NEDD4L: variants seen among roughly 807,000 people sequenced by gnomAD.
NEDD4L encodes NEDD4 like E3 ubiquitin protein ligase.
NEDD4L carries 54 observed loss-of-function variants against 148.9 expected under a neutral mutation model. The observed-to-expected ratio is 0.36, with a 90% CI of 0.29 to 0.45. The LOEUF (loss-of-function observed/expected upper bound fraction) is 0.45. Ranked by LOEUF, NEDD4L falls within the 20% of genes least tolerant of loss-of-function variation. NEDD4L has a pLI of 1.00. For missense variants in NEDD4L, 856 were observed against 1,233.8 expected (o/e 0.69, Z 4.59); for synonymous variants, 433 against 440.7 (o/e 0.98, Z 0.22).
chr18:58,123,403 A>G (rs924360524), intron 1 of NEDD4L, among the ~76,000 whole-genome samples: 1 of 152,092 alleles, frequency 6.6e-6, no homozygotes, highest in Non-Finnish European at 1.5e-5. Context: ...GGCTTTGCCA[A>G]TCTGTGGACC....
intron 24 of NEDD4L, among the ~76,000 whole-genome samples, chr18:58,382,586 A>C (rs1001701849): frequency 3.9e-5 from 6 of 152,112 alleles, no homozygotes; most frequent in African/African-American, 1.4e-4. Context: ...TTACTGTGCT[A>C]TGTGGCCTTA....
intron 1 of NEDD4L, among the ~76,000 whole-genome samples, chr18:58,126,539 A>G (rs909369839): frequency 6.6e-6 from 1 of 152,142 alleles, no homozygotes; most frequent in African/African-American, 2.4e-5. Flanking sequence ...CCATTCATCA[A>G]TTCATGAGCA....
At chr18:58,163,356 C>G (rs1167829376) in intron 1 of NEDD4L, among the ~76,000 whole-genome samples, 2 of 152,224 alleles carry the variant, frequency 1.3e-5, no homozygotes, top group Non-Finnish European at 2.9e-5. Flanking sequence ...GAGCCTTGGC[C>G]TACATAACAT....
chr18:58,333,854 G>T lies in NEDD4L; in HGVS notation c.1027G>T (p.Val343Phe). 3 of 1,613,800 alleles carry T rather than the reference G, an allele frequency of 1.9e-6. No individual in the cohort carries two copies. Among genetic ancestry groups the T allele is most frequent in the Non-Finnish European group, 1.7e-6 (2 of 1,179,806 alleles). The change falls in exon 12 of 31, where the codon GTC (valine) becomes TTC (phenylalanine). Residue 343 changes from valine (V) to phenylalanine (F), a missense_variant. Transcript: ENST00000400345. ...CTCCTCAAGGTTGAGGTCATGCAGT[G>T]TCACCGACGCAGTTGCAGAACAGGG... is the stretch of plus-strand genomic sequence containing the variant. ...EPSSRLRSCS[V>F]TDAVAEQGHL...
Position 58,354,526 on chromosome 18 carries a change from A to G in NEDD4L, c.1709-2668A>G, listed in dbSNP as rs377169503. Among the ~76,000 whole-genome samples the G allele has an allele frequency of 3.9e-5, 6 of 152,072 alleles. No homozygotes were observed. The South Asian group carries it at 1.0e-3, about 26-fold the overall frequency. On this transcript the variant is annotated intron_variant, in intron 18 of 30. Transcript: ENST00000400345. ...CACTGAAGAATTCTTTATCATAACC[A>G]TGTAGAAACTTGTGTTGTTCCAAAA...
intron 1 of NEDD4L, among the ~76,000 whole-genome samples, chr18:58,080,288 C>T (rs2145084212): frequency 6.6e-6 from 1 of 152,344 alleles, no homozygotes; most frequent in South Asian, 2.1e-4. Context: ...CCGGCATATG[C>T]ACAGCAGTTT....
chr18:58,210,327 T>G (rs1300690676), intron 2 of NEDD4L, among the ~76,000 whole-genome samples: 1 of 152,190 alleles, frequency 6.6e-6, no homozygotes, highest in Non-Finnish European at 1.5e-5. Flanking sequence ...ATTACCAAAG[T>G]TGATCCAAGA....
chr18:58,121,181 A>AT (rs1266494407), intron 1 of NEDD4L, among the ~76,000 whole-genome samples: 1 of 152,056 alleles, frequency 6.6e-6, no homozygotes, highest in Non-Finnish European at 1.5e-5. Context: ...AACTGCTAGC[A>AT]TTTTAGTAGA....
chr18:58,288,558 G>A (rs2054253971), intron 5 of NEDD4L, among the ~76,000 whole-genome samples: 1 of 152,152 alleles, frequency 6.6e-6, no homozygotes, highest in Non-Finnish European at 1.5e-5. Context: ...GTTTAATATT[G>A]TTGTTGTTTT....
At chr18:58,113,664 G>A (rs1247778541) in intron 1 of NEDD4L, among the ~76,000 whole-genome samples, 1 of 152,140 alleles carries the variant, frequency 6.6e-6, no homozygotes, top group African/African-American at 2.4e-5. Flanking sequence ...AAAGTGGGAC[G>A]GCCTTACGGA....
intron 2 of NEDD4L, among the ~76,000 whole-genome samples, chr18:58,169,068 C>G (rs1278863417): frequency 6.6e-6 from 1 of 152,184 alleles, no homozygotes; most frequent in East Asian, 1.9e-4. Context: ...TTTCTGGGGC[C>G]CTTGGTGTGG....
chr18:58,256,285 C>A lies in NEDD4L; in HGVS notation c.297+4231C>A. The stretch of plus-strand genomic sequence containing the variant: ...TGCCCCTGGGCCCCGATGGCCAGGG[C>A]GGCCCGGCCGCGGCAGAGCCCAGGC... On this transcript the variant is annotated intron_variant, in intron 5 of 30. Transcript: ENST00000400345. This position sits in a 1 kb window ranked among gnomAD's most constrained non-coding sequence, Gnocchi z 5.2. The A allele has an allele frequency of 8.1e-7, 1 of 1,231,476 alleles. No individual in the cohort carries two copies. Among genetic ancestry groups the A allele is most frequent in the South Asian group, 4.1e-5 (1 of 24,316 alleles). 76.3% of individuals were successfully genotyped at this position (1,231,476 alleles called of 1,614,324 possible). A position where few individuals can be genotyped will look rare whatever the true frequency, so the allele number is the denominator to read the frequency against.
intron 1 of NEDD4L, among the ~76,000 whole-genome samples, chr18:58,083,728 C>A (rs759528550): frequency 6.6e-6 from 1 of 151,994 alleles, no homozygotes; most frequent in East Asian, 1.9e-4. Context: ...AGAAAAAAAT[C>A]AAATGTTCGT....
At chr18:58,070,351 A>G (rs886727361) in intron 1 of NEDD4L, among the ~76,000 whole-genome samples, 2 of 151,592 alleles carry the variant, frequency 1.3e-5, no homozygotes, top group Non-Finnish European at 2.9e-5. Flanking sequence ...TGCAGCCTCA[A>G]CCTCCTGAAT....
At chr18:58,089,996 C>T (rs954760241) in intron 1 of NEDD4L, among the ~76,000 whole-genome samples, 8 of 152,036 alleles carry the variant, frequency 5.3e-5, no homozygotes, top group African/African-American at 7.3e-5. Flanking sequence ...TGTGCCACCA[C>T]GCCCGGCTAA....
chr18:58,158,926 G>C (rs532256897), intron 1 of NEDD4L, among the ~76,000 whole-genome samples: 1 of 152,306 alleles, frequency 6.6e-6, no homozygotes, highest in South Asian at 2.1e-4. Context: ...GAGAGAGAGA[G>C]AGAATGTGTC....
intron 12 of NEDD4L, 92 bp downstream of exon 12, chr18:58,333,984 A>C (rs1277235024): frequency 7.8e-6 from 6 of 771,684 alleles, no homozygotes; most frequent in African/African-American, 1.8e-5. Context: ...TTCCTGTGTA[A>C]ATTTATTTAC....
intron 9 of NEDD4L, 45 bp from the exon 10 acceptor site, chr18:58,328,950 T>G: frequency 6.2e-7 from 1 of 1,612,250 alleles, no homozygotes; most frequent in East Asian, 2.2e-5. Flanking sequence ...GGGCCCGATC[T>G]CAACCACTTC....
At chr18:58,252,540 C>A (rs757185111) in intron 5 of NEDD4L, among the ~76,000 whole-genome samples, 1 of 152,028 alleles carries the variant, frequency 6.6e-6, no homozygotes, top group Non-Finnish European at 1.5e-5. Flanking sequence ...AAAGTCAAGC[C>A]GTATTTTAAA....
Sources: allele counts gnomAD v4.1 joint callset (sites outside exome capture counted in the v4.1 genomes callset), GRCh38; gene constraint gnomAD v4.1.1; non-coding constraint Gnocchi (gnomAD v3.1); transcripts MANE v1.5; gene names NCBI Gene and HGNC (gene_info 2026-07-23, HGNC 2026-07-21).